Variants in NR2F1-AS1 observed in about 807,000 individuals in gnomAD.
The protein encoded by NR2F1-AS1 is NR2F1 antisense RNA 1.
At chr5:93,583,807 C>T (rs974761708), upstream of NR2F1-AS1, 4 of 152,174 alleles carry the variant, frequency 2.6e-5, no homozygotes, top group Non-Finnish European at 4.4e-5. Context: ...TTTCCTTTTT[C>T]CTTTTTTTGG....
chr5:93,571,331 A>T (rs1323079287), intron 1 of NR2F1-AS1: 1 of 151,342 alleles, frequency 6.6e-6, no homozygotes, highest in Admixed American at 6.6e-5. Context: ...CCAGACCACG[A>T]CCTTGGAGCT....
chr5:93,456,559 T>C lies in NR2F1-AS1; in HGVS notation n.639-61017A>G, dbSNP rs540861646. 3.3e-5 allele frequency among the ~76,000 whole-genome samples: 5 copies of C among 152,224 alleles called. No homozygotes were observed. The South Asian group carries it at 8.3e-4, about 25-fold the overall frequency. On this transcript the variant is annotated intron_variant and non_coding_transcript_variant, in intron 4 of 5. Coordinates refer to ENST00000660523, the Ensembl canonical transcript of NR2F1-AS1. Reference sequence around the variant, plus strand: ...AGATTTGATACCATTCCAGTAAAAATCCTAGTAAGCCTTTTTGTAGAAACT... The same window carrying C: ...AGATTTGATACCATTCCAGTAAAAACCCTAGTAAGCCTTTTTGTAGAAACT...
intron 4 of NR2F1-AS1, among the ~76,000 whole-genome samples, chr5:93,472,211 G>A (rs989078785): frequency 2.6e-4 from 39 of 151,578 alleles, no homozygotes; most frequent in African/African-American, 8.5e-4. Flanking sequence ...GAGATTGTTC[G>A]GCTTGCATAA....
intron 4 of NR2F1-AS1, among the ~76,000 whole-genome samples, chr5:93,453,352 C>T (rs1031889236): frequency 2.0e-5 from 3 of 151,448 alleles, no homozygotes; most frequent in African/African-American, 7.3e-5. Context: ...TAACTGGAGT[C>T]CCAGAAAGAA....
At chr5:93,485,435 AG>A (rs1408670510) in intron 4 of NR2F1-AS1, among the ~76,000 whole-genome samples, 7 of 152,188 alleles carry the variant, frequency 4.6e-5, no homozygotes, top group African/African-American at 1.4e-4. Flanking sequence ...ACAACATACC[AG>A]AATCTCTGGG....
intron 4 of NR2F1-AS1, among the ~76,000 whole-genome samples, chr5:93,501,533 T>C (rs1241621770): frequency 6.6e-6 from 1 of 151,960 alleles, no homozygotes; most frequent in East Asian, 1.9e-4. Context: ...TTTGTATTTT[T>C]AGTAGAGACT....
chr5:93,434,637 T>C (rs1223369134), intron 4 of NR2F1-AS1, among the ~76,000 whole-genome samples: 1 of 152,226 alleles, frequency 6.6e-6, no homozygotes, highest in African/African-American at 2.4e-5. Flanking sequence ...ATTGACATAA[T>C]GCTATTATCT....
intron 4 of NR2F1-AS1, among the ~76,000 whole-genome samples, chr5:93,513,525 T>G (rs550699582): frequency 3.9e-5 from 6 of 152,088 alleles, no homozygotes; most frequent in Non-Finnish European, 7.4e-5. Flanking sequence ...AACATGGAGG[T>G]CATTATCCCA....
At chr5:93,425,317 C>G (rs1035618066) in intron 4 of NR2F1-AS1, among the ~76,000 whole-genome samples, 6 of 152,160 alleles carry the variant, frequency 3.9e-5, no homozygotes, top group African/African-American at 1.4e-4. Context: ...TGGGTGACCA[C>G]TCATCCTGCA....
chr5:93,505,936 A>C (rs1173300030), intron 4 of NR2F1-AS1, among the ~76,000 whole-genome samples: 1 of 152,144 alleles, frequency 6.6e-6, no homozygotes, highest in Non-Finnish European at 1.5e-5. Flanking sequence ...GCTGGCTTGA[A>C]TTTCTCCTCA....
At chr5:93,433,105 G>T (rs1369727333) in intron 4 of NR2F1-AS1, among the ~76,000 whole-genome samples, 1 of 152,050 alleles carries the variant, frequency 6.6e-6, no homozygotes, top group African/African-American at 2.4e-5. Flanking sequence ...ATACATTGTG[G>T]CAGTTTTGAA....
intron 4 of NR2F1-AS1, among the ~76,000 whole-genome samples, chr5:93,519,182 TA>T (rs901144283): frequency 1.2e-4 from 18 of 151,784 alleles, no homozygotes; most frequent in African/African-American, 2.9e-4. Flanking sequence ...ATACTGTATA[TA>T]AAAAAAATAC....
chr5:93,495,678 T>G (rs1750944367), intron 4 of NR2F1-AS1, among the ~76,000 whole-genome samples: 1 of 152,124 alleles, frequency 6.6e-6, no homozygotes, highest in Admixed American at 6.6e-5. Context: ...TAAATACATG[T>G]ACTTTATAAA....
chr5:93,534,063 C>T (rs1019864150), intron 4 of NR2F1-AS1, among the ~76,000 whole-genome samples: 4 of 152,108 alleles, frequency 2.6e-5, no homozygotes, highest in Non-Finnish European at 1.5e-5. Flanking sequence ...GCCTGGGGAA[C>T]GAGCGAGTGT....
At chr5:93,581,725 TCTCTCTCTCCCCCTCTCC>T (rs1561519201), upstream of NR2F1-AS1, among the ~76,000 whole-genome samples, 10 of 53,714 alleles carry the variant, frequency 1.9e-4, 1 homozygote, top group African/African-American at 3.4e-4. Flanking sequence ...TCTCTCTCTC[TCTCTCTCTCCCCCTCTCC>T]CTCTCCCTCT....
intron 4 of NR2F1-AS1, among the ~76,000 whole-genome samples, chr5:93,548,693 T>C (rs1214574094): frequency 6.6e-6 from 1 of 151,416 alleles, no homozygotes; most frequent in Non-Finnish European, 1.5e-5. Flanking sequence ...TGAGACCCTG[T>C]CTCTACTAAA....
At position 93,449,707 on chromosome 5, in the gene NR2F1-AS1, T is replaced by C. The variant is rs578177143; in HGVS notation, n.639-54165A>G. Among the ~76,000 whole-genome samples the C allele has an allele frequency of 3.9e-4, 60 of 152,288 alleles. 1 individual carries two copies. The highest frequency in any genetic ancestry group is 3.4e-3 in the Middle Eastern group (1 of 294). On this transcript the variant is annotated intron_variant and non_coding_transcript_variant, in intron 4 of 5. Transcript: ENST00000660523. ...GTTTTTACACAATTACAAAGATTTC[T>C]CCTGTTTTTCAAATCCAGCAGAGTA...
At chr5:93,451,396 A>T (rs1749827387) in intron 4 of NR2F1-AS1, among the ~76,000 whole-genome samples, 1 of 150,322 alleles carries the variant, frequency 6.7e-6, no homozygotes, top group Non-Finnish European at 1.5e-5. Context: ...TCATTTCTTG[A>T]TTATGACTTT....
chr5:93,429,609 C>T (rs187270262), intron 4 of NR2F1-AS1, among the ~76,000 whole-genome samples: 1 of 152,300 alleles, frequency 6.6e-6, no homozygotes, highest in East Asian at 1.9e-4. Flanking sequence ...TTACACACTG[C>T]AAATCAGCTC....
Sources: gnomAD v4.1 joint callset for allele counts (sites outside exome capture counted in the v4.1 genomes callset) on GRCh38, gnomAD v4.1.1 for gene constraint, MANE v1.5 for transcripts, NCBI Gene and HGNC (gene_info 2026-07-23, HGNC 2026-07-21) for gene names.